Variants in CSMD1 observed in about 807,000 individuals in gnomAD.
CSMD1 encodes CUB and Sushi multiple domains 1, also known as CUB and sushi domain-containing protein 1.
A neutral mutation model predicts 417.5 loss-of-function variants in CSMD1; 213 were observed. That is an observed-to-expected ratio of 0.51 (90% CI 0.46 to 0.57). The LOEUF (loss-of-function observed/expected upper bound fraction) is 0.57, where lower values mean the gene tolerates loss of function less well. CSMD1 is among the 20% of genes least tolerant of loss of function. The probability of loss-of-function intolerance (pLI) is 0.00; values close to 1 mark genes in which losing one functional copy is unlikely to be tolerated. For synonymous variants in CSMD1, 2,862 were observed against 1,736.8 expected, an observed-to-expected ratio of 1.65 and a Z score of -16.11; for missense variants, 6,923 against 4,529.7, an observed-to-expected ratio of 1.53 and a Z score of -15.17.
intron 1 of CSMD1, among the ~76,000 whole-genome samples, chr8:4,725,924 C>T (rs1453986666): frequency 6.6e-6 from 1 of 152,092 alleles, no homozygotes; most frequent in Admixed American, 6.6e-5. Flanking sequence ...GTTACTTTGA[C>T]ACTCTCCAGT....
In CSMD1 at chr8:4,143,368, TCC is replaced by T. The variant is rs200848013; in HGVS notation, c.416-111271_416-111270del. Among the ~76,000 whole-genome samples, 226 of 73,218 alleles carry T rather than the reference TCC, an allele frequency of 3.1e-3. 2 individuals carry two copies. The highest frequency in any genetic ancestry group is 0.022 in the South Asian group (33 of 1,484). The allele number at this position is 73,218 out of a possible 152,430, so 48.0% of individuals were successfully genotyped here. A position where few individuals can be genotyped will look rare whatever the true frequency, so the allele number is the denominator to read the frequency against. ...GCTGCTGAAATATAATGACGTCTTA[TCC>T]CTTTTTTTTTTTTTTTTGCTACAGA... On this transcript the variant is annotated intron_variant, in intron 3 of 69. Coordinates refer to ENST00000635120, the MANE Select transcript of CSMD1 (RefSeq NM_033225.6).
chr8:4,446,223 C>A (rs1489164371), intron 2 of CSMD1, among the ~76,000 whole-genome samples: 1 of 152,150 alleles, frequency 6.6e-6, no homozygotes, highest in Non-Finnish European at 1.5e-5. Context: ...TCATCTATTT[C>A]TAGGATACCT....
chr8:4,952,480 T>C (rs1281861919), intron 1 of CSMD1, among the ~76,000 whole-genome samples: 3 of 152,042 alleles, frequency 2.0e-5, no homozygotes, highest in Non-Finnish European at 4.4e-5. Context: ...AAAGGCAAAA[T>C]ATTTAAGGAC....
At position 3,103,652 on chromosome 8, in the gene CSMD1, A is replaced by T. The variant is rs1486362063; in HGVS notation, c.6949+2876T>A. ...GGTTCAAAACGTCATGCAGTGCGTG[A>T]TTATTCTCTGCTCTTGGCTTGTCAT... On this transcript the variant is annotated intron_variant, in intron 46 of 69. Coordinates refer to ENST00000635120, the MANE Select transcript of CSMD1 (RefSeq NM_033225.6). Among the ~76,000 whole-genome samples the T allele has an allele frequency of 2.0e-5, 3 of 152,048 alleles. No homozygotes were observed. In the East Asian group the frequency reaches 5.8e-4, roughly 29 times the overall value.
At chr8:3,846,281 T>C (rs921158417) in intron 5 of CSMD1, among the ~76,000 whole-genome samples, 4 of 152,190 alleles carry the variant, frequency 2.6e-5, no homozygotes, top group African/African-American at 9.7e-5. Context: ...CGCTACCATG[T>C]CAATAGGTGA....
At position 4,500,823 on chromosome 8, in the gene CSMD1, A is replaced by G. The variant is rs148819610; in HGVS notation, c.303-80758T>C. ...ATGTTGACTTACGGAAAACATGGGT[A>G]GAGGTCCATTGCCTGGAGGATTTCT... On this transcript the variant is annotated intron_variant, in intron 2 of 69. Transcript: ENST00000635120. Among the ~76,000 whole-genome samples the G allele has an allele frequency of 1.1e-4, 17 of 152,316 alleles. No homozygotes were observed. The East Asian group carries it at 3.3e-3, about 29-fold the overall frequency.
In CSMD1 at chr8:4,927,624, C is replaced by A. The variant is rs541669403; in HGVS notation, c.85+66708G>T. Among the ~76,000 whole-genome samples the A allele has an allele frequency of 5.9e-5, 9 of 152,238 alleles. No homozygotes were observed. The South Asian group carries it at 1.4e-3, about 25-fold the overall frequency. ...CATGGCATCCTAAACTGACGAAAGA[C>A]AACAGGCAGGGCATCTACATTGGTA... is the stretch of plus-strand genomic sequence containing the variant. On this transcript the variant is annotated intron_variant, in intron 1 of 69. Coordinates refer to ENST00000635120, the MANE Select transcript of CSMD1 (RefSeq NM_033225.6).
intron 5 of CSMD1, among the ~76,000 whole-genome samples, chr8:3,921,735 A>G (rs1180066477): frequency 1.3e-5 from 2 of 152,266 alleles, no homozygotes; most frequent in African/African-American, 2.4e-5. Context: ...ATAATATAAG[A>G]GTCAGGAAAG....
intron 2 of CSMD1, among the ~76,000 whole-genome samples, chr8:4,621,329 T>G (rs1801766610): frequency 6.6e-6 from 1 of 152,090 alleles, no homozygotes; most frequent in South Asian, 2.1e-4. Flanking sequence ...GGTGTGGAAT[T>G]TTCCACTTAT....
intron 6 of CSMD1, among the ~76,000 whole-genome samples, chr8:3,708,833 T>G (rs1379245581): frequency 6.6e-6 from 1 of 152,206 alleles, no homozygotes; most frequent in South Asian, 2.1e-4. Context: ...ATCACTCACT[T>G]CATGTATCTA....
At chr8:4,003,751 G>A (rs909043124) in intron 4 of CSMD1, among the ~76,000 whole-genome samples, 2 of 152,114 alleles carry the variant, frequency 1.3e-5, no homozygotes, top group African/African-American at 4.8e-5. Flanking sequence ...ACACTGAGAG[G>A]GCTCATATAC....
At chr8:4,715,590 A>G (rs1808601762) in intron 1 of CSMD1, among the ~76,000 whole-genome samples, 2 of 152,164 alleles carry the variant, frequency 1.3e-5, no homozygotes, top group South Asian at 4.1e-4. Flanking sequence ...TGCCTCACTG[A>G]CATCCAAAAT....
chr8:4,410,941 C>G (rs540524079), intron 3 of CSMD1, among the ~76,000 whole-genome samples: 2 of 152,140 alleles, frequency 1.3e-5, no homozygotes, highest in Non-Finnish European at 1.5e-5. Context: ...TAGATTTGTT[C>G]TAGTGGGACT....
chr8:4,270,590 G>A (rs958471661), intron 3 of CSMD1, among the ~76,000 whole-genome samples: 15 of 152,192 alleles, frequency 9.9e-5, no homozygotes, highest in South Asian at 4.1e-4. Flanking sequence ...TTTATAGCCC[G>A]ACTTCCTGTT....
intron 49 of CSMD1, among the ~76,000 whole-genome samples, chr8:3,079,882 C>G (rs1279715160): frequency 6.6e-6 from 1 of 152,074 alleles, no homozygotes; most frequent in African/African-American, 2.4e-5. Context: ...ACAGACATAT[C>G]CACGTGCATC....
Position 4,827,728 on chromosome 8 carries a change from T to C in CSMD1, c.85+166604A>G, listed in dbSNP as rs193099941. ...ATTATCTGTAGATCTAAAAAGAATG[T>C]GTTTTACTCCACTGTTATTTTCCCC... On this transcript the variant is annotated intron_variant, in intron 1 of 69. Coordinates refer to ENST00000635120, the MANE Select transcript of CSMD1 (RefSeq NM_033225.6). 5.8e-4 allele frequency among the ~76,000 whole-genome samples: 88 copies of C among 152,272 alleles called. No homozygotes were observed. In the East Asian group the frequency reaches 0.016, roughly 27 times the overall value.
chr8:3,433,508 C>G (rs1256353428), intron 12 of CSMD1, among the ~76,000 whole-genome samples: 2 of 152,046 alleles, frequency 1.3e-5, no homozygotes, highest in African/African-American at 4.8e-5. Flanking sequence ...GTTCATTTTT[C>G]AAGATCTCCT....
At chr8:4,267,495 A>G (rs1377947942) in intron 3 of CSMD1, among the ~76,000 whole-genome samples, 4 of 151,732 alleles carry the variant, frequency 2.6e-5, no homozygotes, top group Non-Finnish European at 4.4e-5. Context: ...TAAAGTCTTC[A>G]TATCTAAACG....
At chr8:3,043,881 G>A (rs369608104) in intron 50 of CSMD1, 1 of 152,306 alleles carries the variant, frequency 6.6e-6, no homozygotes. Flanking sequence ...TCATTCTCAA[G>A]TGATATAGAG....
Sources: allele counts gnomAD v4.1 joint callset (sites outside exome capture counted in the v4.1 genomes callset), GRCh38; gene constraint gnomAD v4.1.1; transcripts MANE v1.5; gene names NCBI Gene and HGNC (gene_info 2026-07-23, HGNC 2026-07-21).